IFRD1: variants seen among roughly 807,000 people sequenced by gnomAD.
IFRD1 encodes the protein interferon-related developmental regulator 1.
Under a neutral mutation model 52.9 loss-of-function variants are expected in IFRD1, and 35 were observed. The ratio of observed to expected loss-of-function variants is 0.66; its 90% CI spans 0.51 to 0.88. The LOEUF (loss-of-function observed/expected upper bound fraction) is 0.88, where lower values mean the gene tolerates loss of function less well. Among genes scored for constraint, IFRD1 ranks in the 40% least tolerant of loss-of-function variants. IFRD1 has a pLI of 0.00. For synonymous variants in IFRD1, 184 were observed against 188.4 expected, an observed-to-expected ratio of 0.98 and a Z score of 0.19; for missense variants, 517 against 550.8, an observed-to-expected ratio of 0.94 and a Z score of 0.61.
At chr7:112,458,521 A>T (rs563586412) in intron 4 of IFRD1, among the ~76,000 whole-genome samples, 37 of 152,188 alleles carry the variant, frequency 2.4e-4, no homozygotes, top group Non-Finnish European at 2.6e-4. Context: ...AAGGAGTTTG[A>T]AGATAGAAAT....
At chr7:112,429,339 T>A (rs996918305) in intron 1 of IFRD1, among the ~76,000 whole-genome samples, 6 of 152,234 alleles carry the variant, frequency 3.9e-5, no homozygotes, top group Non-Finnish European at 8.8e-5. Flanking sequence ...GATTACACTT[T>A]AGAATTCTGT....
chr7:112,475,597 T>C lies in IFRD1; in HGVS notation c.*78T>C, dbSNP rs557088259. The C allele has an allele frequency of 2.0e-5, 17 of 865,576 alleles. No individual in the cohort carries two copies. In the African/African-American group the frequency reaches 2.8e-4, roughly 14 times the overall value. 53.6% of individuals were successfully genotyped at this position (865,576 alleles called of 1,614,324 possible). On this transcript the variant is annotated 3_prime_UTR_variant, in exon 12 of 12. Coordinates refer to ENST00000403825, the MANE Select transcript of IFRD1 (RefSeq NM_001550.4). ...ATGTATTTAAACTCTAGACACAGTT[T>C]TTATCCTGGATTAACTTAGATAACT...
Position 112,476,606 on chromosome 7 carries a change from A to T in IFRD1, c.*1087A>T, listed in dbSNP as rs1795909872. ...GAGGTCAAAGCTGCAGTGAGCCGTG[A>T]TTGTGCCACTCCAGCCTGGGTGACG... On this transcript the variant is annotated 3_prime_UTR_variant, in exon 12 of 12. Transcript: ENST00000403825. 1 of 152,148 alleles carries T rather than the reference A, an allele frequency of 6.6e-6. No homozygotes were observed. The highest frequency in any genetic ancestry group is 2.1e-4 in the South Asian group (1 of 4,822). The allele number at this position is 152,148 out of a possible 1,614,324, so 9.4% of individuals were successfully genotyped here.
intron 1 of IFRD1, among the ~76,000 whole-genome samples, chr7:112,434,557 T>G (rs1451583422): frequency 6.6e-6 from 1 of 152,236 alleles, no homozygotes; most frequent in Non-Finnish European, 1.5e-5. Flanking sequence ...AGAAGTTTAT[T>G]AAACTCTAAA....
chr7:112,427,079 G>A (rs1794444354), intron 1 of IFRD1, among the ~76,000 whole-genome samples: 1 of 152,096 alleles, frequency 6.6e-6, no homozygotes. Flanking sequence ...CTTAACCTTG[G>A]CAAAATAAGC....
chr7:112,472,252 G>T lies in IFRD1; in HGVS notation c.1075G>T (p.Gly359Cys). 6.2e-7 allele frequency: 1 copy of T among 1,613,968 alleles called. No homozygotes were observed. Among genetic ancestry groups the T allele is most frequent in the Non-Finnish European group, 8.5e-7 (1 of 1,179,912 alleles). The stretch of plus-strand genomic sequence containing the variant: ...TTTTCCAACAGAAACCATTAAATTT[G>T]GTCCTGAACGCATGTATATTGATTG... ...RDFPTETIKF[G>C]PERMYIDCWV... The change falls in exon 10 of 12, where the codon GGT becomes TGT. Residue 359 changes from glycine to cysteine, a missense_variant. Coordinates refer to ENST00000403825, the MANE Select transcript of IFRD1 (RefSeq NM_001550.4).
intron 1 of IFRD1, chr7:112,452,237 C>T: frequency 2.2e-6 from 1 of 463,622 alleles, no homozygotes; most frequent in Non-Finnish European, 2.8e-6. Flanking sequence ...TCATAGCTCA[C>T]TGCAACCTCT....
intron 3 of IFRD1, 50 bp from the exon 4 acceptor site, chr7:112,456,864 A>G (rs370064018): frequency 2.5e-6 from 4 of 1,584,342 alleles, no homozygotes. Flanking sequence ...AAAGTTATTT[A>G]TTGTATACTC....
chr7:112,450,818 C>A (rs766317547), intron 1 of IFRD1, 36 bp downstream of exon 1: 2 of 1,471,256 alleles, frequency 1.4e-6, no homozygotes, highest in Non-Finnish European at 1.9e-6. Flanking sequence ...TCCCAGTTGC[C>A]GGCCAGGCTG....
At chr7:112,472,923 T>G in intron 11 of IFRD1, 62 bp downstream of exon 11, 1 of 1,129,042 alleles carries the variant, frequency 8.9e-7, no homozygotes, top group East Asian at 2.4e-5. Context: ...CTGTCTAGTG[T>G]CAGCAACTTA....
At chr7:112,436,848 A>G (rs554427540) in intron 1 of IFRD1, among the ~76,000 whole-genome samples, 35 of 152,344 alleles carry the variant, frequency 2.3e-4, no homozygotes, top group African/African-American at 7.9e-4. Context: ...GGTCTTATAT[A>G]TCAAAAAATG....
At chr7:112,439,748 G>A (rs1794824273) in intron 1 of IFRD1, among the ~76,000 whole-genome samples, 2 of 152,148 alleles carry the variant, frequency 1.3e-5, no homozygotes. Context: ...GGCTAGAGCT[G>A]TGTTCTGTGC....
Position 112,461,856 on chromosome 7 carries a change from T to G in IFRD1, c.568-10T>G. On this transcript the variant is annotated splice_polypyrimidine_tract_variant and intron_variant, in intron 5 of 11. Coordinates refer to ENST00000403825, the MANE Select transcript of IFRD1 (RefSeq NM_001550.4). ...CATTAATGTCTATATATATATATTT[T>G]TTTTTTTAGTGTGCAACTTGCTTTG... 1 of 1,396,512 alleles carries G rather than the reference T, an allele frequency of 7.2e-7. No homozygotes were observed. Among genetic ancestry groups the G allele is most frequent in the South Asian group, 1.2e-5 (1 of 83,608 alleles). 86.5% of individuals were successfully genotyped at this position (1,396,512 alleles called of 1,614,324 possible). A position where few individuals can be genotyped will look rare whatever the true frequency, so the allele number is the denominator to read the frequency against.
intron 8 of IFRD1, among the ~76,000 whole-genome samples, chr7:112,465,570 A>T (rs566239581): frequency 6.8e-6 from 1 of 146,930 alleles, no homozygotes; most frequent in African/African-American, 2.5e-5. Flanking sequence ...TAAGATCTAT[A>T]ACTTAATGGA....
upstream of IFRD1, among the ~76,000 whole-genome samples, chr7:112,449,423 C>T (rs1453805319): frequency 1.3e-5 from 2 of 152,122 alleles, no homozygotes; most frequent in Non-Finnish European, 2.9e-5. Context: ...ACAAGTGGAA[C>T]ATTCTGGTGG....
chr7:112,469,315 T>G (rs1393071662), intron 9 of IFRD1, among the ~76,000 whole-genome samples: 2 of 152,180 alleles, frequency 1.3e-5, no homozygotes, highest in African/African-American at 2.4e-5. Flanking sequence ...TTTAGAAAAG[T>G]AAAATCTAGG....
intron 9 of IFRD1, 152 bp from the exon 10 acceptor site, chr7:112,472,067 A>G: frequency 1.3e-6 from 1 of 791,040 alleles, no homozygotes; most frequent in Non-Finnish European, 2.2e-6. Context: ...GGATAGCAAC[A>G]GTTTGTCCAC....
intron 1 of IFRD1, among the ~76,000 whole-genome samples, chr7:112,441,261 T>C (rs532966874): frequency 1.3e-4 from 20 of 151,158 alleles, no homozygotes; most frequent in Admixed American, 1.3e-3. Flanking sequence ...GGCAATAGAG[T>C]GAGATCCTGT....
At chr7:112,459,803 C>T (rs887792240) in intron 5 of IFRD1, among the ~76,000 whole-genome samples, 2 of 152,192 alleles carry the variant, frequency 1.3e-5, no homozygotes, top group African/African-American at 4.8e-5. Context: ...GTGACAGACT[C>T]AGCCAGAGCA....
Sources: gnomAD v4.1 joint callset for allele counts (sites outside exome capture counted in the v4.1 genomes callset) on GRCh38, gnomAD v4.1.1 for gene constraint, MANE v1.5 for transcripts, NCBI Gene and HGNC (gene_info 2026-07-23, HGNC 2026-07-21) for gene names.